Variants in DBNDD2 observed in about 807,000 individuals in gnomAD.
DBNDD2 encodes the protein dysbindin domain containing 2.
Under a neutral mutation model 14.0 loss-of-function variants are expected in DBNDD2, and 8 were observed. That is an observed-to-expected ratio of 0.57 (90% confidence interval 0.33 to 1.03). DBNDD2 has a LOEUF of 1.03. Among genes scored for constraint, DBNDD2 ranks in the 50% least tolerant of loss-of-function variants. The probability of loss-of-function intolerance (pLI) is 0.03; values close to 1 mark genes in which losing one functional copy is unlikely to be tolerated. For missense variants in DBNDD2, 194 were observed against 206.0 expected (o/e 0.94, Z 0.36); for synonymous variants, 94 against 85.3 (o/e 1.10, Z -0.56).
chr20:45,406,777 C>G (rs919200377), upstream of DBNDD2: 1 of 1,257,060 alleles, frequency 8.0e-7, no homozygotes, highest in African/African-American at 1.6e-5. Context: ...CGGTGGACCG[C>G]GGAGGGGACC....
upstream of DBNDD2, chr20:45,406,349 G>T (rs1405157811): frequency 7.0e-6 from 8 of 1,143,148 alleles, no homozygotes; most frequent in Non-Finnish European, 9.6e-6. Flanking sequence ...GGGTCTGCGC[G>T]GGGCGGGGGC....
At chr20:45,406,393 G>A, upstream of DBNDD2, 1 of 1,438,474 alleles carries the variant, frequency 7.0e-7, no homozygotes, top group Non-Finnish European at 9.3e-7. Flanking sequence ...GGAGACTAGC[G>A]CACCGGCGTC....
At chr20:45,406,686 C>T, upstream of DBNDD2, 1 of 1,332,828 alleles carries the variant, frequency 7.5e-7, no homozygotes, top group South Asian at 2.0e-5. Flanking sequence ...CCGCCGCGGC[C>T]TCGCTGGAGC....
chr20:45,406,151 C>A (rs1401378920), upstream of DBNDD2: 1 of 372,274 alleles, frequency 2.7e-6, no homozygotes, highest in Admixed American at 5.0e-5. Context: ...TGCCCTGCCC[C>A]CTCCTGCGGG....
At chr20:45,406,279 T>G (rs1989364125), upstream of DBNDD2, 3 of 584,692 alleles carry the variant, frequency 5.1e-6, no homozygotes, top group African/African-American at 2.0e-5. Context: ...GCGTGGGCGC[T>G]GCCCAAAAGG....
chr20:45,406,783 G>C, upstream of DBNDD2: 1 of 1,255,702 alleles, frequency 8.0e-7, no homozygotes. Context: ...ACCGCGGAGG[G>C]GACCGGAGCA....
chr20:45,407,939 A>C, upstream of DBNDD2: 1 of 1,364,524 alleles, frequency 7.3e-7, no homozygotes, highest in Non-Finnish European at 9.4e-7. Context: ...TGGAGAGAAA[A>C]GGAGGGGCGC....
rs1989743224 is a variant in DBNDD2, at chr20:45,409,860, T to C, written c.278-72T>C. ...CTGCCCCACTGTGGACTTTAGTTAC[T>C]CCTGGCCAGATAATCTTTAAGAGTT... On this transcript the variant is annotated intron_variant, in intron 2 of 2. Transcript: ENST00000372710. 10 of 1,494,152 alleles carry C rather than the reference T, an allele frequency of 6.7e-6. No homozygotes were observed. The South Asian group carries it at 1.2e-4, about 18-fold the overall frequency. 92.6% of individuals were successfully genotyped at this position (1,494,152 alleles called of 1,614,324 possible).
chr20:45,406,859 A>G (rs989314294), upstream of DBNDD2: 2 of 1,182,614 alleles, frequency 1.7e-6, no homozygotes, highest in African/African-American at 3.2e-5. Context: ...GTCCCTTTTT[A>G]GGGAATTTTT....
intron 2 of DBNDD2, 46 bp downstream of exon 2, chr20:45,408,984 C>T (rs201818894): frequency 5.6e-5 from 91 of 1,614,054 alleles, no homozygotes; most frequent in Middle Eastern, 3.3e-4. Context: ...CAGCCAGAGC[C>T]GGATGTCAGG....
In DBNDD2 at chr20:45,408,456, G is replaced by T. The variant is rs373171503; in HGVS notation, c.-12G>T. ...CTGTACTTGTTTTGCTCCTCTACCCGCAGGAGCTGACATGGACCCAAATCC... is the reference window on the plus strand; with the variant it reads ...CTGTACTTGTTTTGCTCCTCTACCCTCAGGAGCTGACATGGACCCAAATCC... On this transcript the variant is annotated 5_prime_UTR_variant, in exon 1 of 3. Coordinates refer to ENST00000372710, the MANE Select transcript of DBNDD2 (RefSeq NM_001048225.4). The T allele has an allele frequency of 1.2e-6, 2 of 1,614,238 alleles. No individual in the cohort carries two copies. The highest frequency in any genetic ancestry group is 2.2e-5 in the South Asian group (2 of 91,086).
chr20:45,407,970 T>G, upstream of DBNDD2: 2 of 1,398,670 alleles, frequency 1.4e-6, no homozygotes, highest in Non-Finnish European at 1.9e-6. Flanking sequence ...GCTTTAGCCT[T>G]TGTCTGGGTT....
upstream of DBNDD2, chr20:45,406,375 G>T: frequency 7.3e-7 from 1 of 1,365,046 alleles, no homozygotes; most frequent in South Asian, 1.4e-5. Context: ...AAGTGCATCC[G>T]AGCGAGCGGA....
upstream of DBNDD2, chr20:45,406,341 G>A (rs1989372164): frequency 1.0e-5 from 11 of 1,052,886 alleles, no homozygotes; most frequent in Non-Finnish European, 1.5e-5. Context: ...CCCGCCGCGG[G>A]TCTGCGCGGG....
At chr20:45,407,431 G>A, upstream of DBNDD2, 1 of 985,872 alleles carries the variant, frequency 1.0e-6, no homozygotes, top group Non-Finnish European at 1.2e-6. Context: ...AGTCTGCGGA[G>A]GATGACGTCT....
At chr20:45,406,733 G>A (rs1455008998), upstream of DBNDD2, 27 of 1,274,828 alleles carry the variant, frequency 2.1e-5, no homozygotes, top group Non-Finnish European at 2.7e-5. Flanking sequence ...AGCGCTGCAG[G>A]TAGGGGCTCC....
In DBNDD2 at chr20:45,410,177, A is replaced by C; in HGVS notation, c.*37A>C. The C allele has an allele frequency of 6.5e-7, 1 of 1,549,720 alleles. No individual in the cohort carries two copies. Among genetic ancestry groups the C allele is most frequent in the East Asian group, 2.4e-5 (1 of 40,910 alleles). On this transcript the variant is annotated 3_prime_UTR_variant, in exon 3 of 3. Coordinates refer to ENST00000372710, the MANE Select transcript of DBNDD2 (RefSeq NM_001048225.4). Reference sequence around the variant, plus strand: ...TGCCTACAGACTGACCACGCTGGCTATTCTCCACATGAGACCACAGGCCCA... The same window carrying C: ...TGCCTACAGACTGACCACGCTGGCTCTTCTCCACATGAGACCACAGGCCCA...
chr20:45,408,715 C>T (rs150321729), intron 1 of DBNDD2, 86 bp from the exon 2 acceptor site: 6 of 1,579,152 alleles, frequency 3.8e-6, no homozygotes, highest in Non-Finnish European at 4.3e-6. Flanking sequence ...GCCCTCTATG[C>T]TTCTAACTTG....
chr20:45,407,948 G>T, upstream of DBNDD2: 1 of 1,380,328 alleles, frequency 7.2e-7, no homozygotes, highest in Non-Finnish European at 9.4e-7. Flanking sequence ...AAGGAGGGGC[G>T]CGGGAGGAGT....
Sources: allele counts gnomAD v4.1 joint callset, GRCh38; gene constraint gnomAD v4.1.1; transcripts MANE v1.5; gene names NCBI Gene and HGNC (gene_info 2026-07-23, HGNC 2026-07-21).